Variants in NF1 observed in about 807,000 individuals in gnomAD.
The protein encoded by NF1 is neurofibromin 1.
NF1 carries 122 observed loss-of-function variants against 325.7 expected under a neutral mutation model. The ratio of observed to expected loss-of-function variants is 0.37; its 90% CI spans 0.32 to 0.44. NF1 has a LOEUF of 0.44. NF1 is among the 20% of genes least tolerant of loss of function. NF1 has a pLI of 1.00. For missense variants in NF1, 2,140 were observed against 3,415.4 expected (o/e 0.63, Z 9.31); for synonymous variants, 1,091 against 1,186.0 (o/e 0.92, Z 1.65).
rs1310523976 is a variant in NF1, at chr17:31,260,372, T to C, written c.4434T>C (p.Phe1478=). 29 of 1,613,738 alleles carry C rather than the reference T, an allele frequency of 1.8e-5. 1 individual carries two copies. The highest frequency in any genetic ancestry group is 2.1e-5 in the Non-Finnish European group (25 of 1,179,930). The stretch of plus-strand genomic sequence containing the variant: ...TAATGACTTTGCATTTTTGAAGGTT[T>C]TTCCTTGATATAGCATCTGATTGTC... ...VKSNFDAARR[F]FLDIASDCPT... The change falls in exon 34 of 58, where the codon TTT becomes TTC. Residue 1478 remains phenylalanine (F), a synonymous_variant. Coordinates refer to ENST00000358273, the MANE Select transcript of NF1 (RefSeq NM_001042492.3).
intron 36 of NF1, among the ~76,000 whole-genome samples, chr17:31,275,769 T>G (rs1193951870): frequency 1.3e-5 from 2 of 152,196 alleles, no homozygotes; most frequent in African/African-American, 4.8e-5. Context: ...TTTTAGTACT[T>G]TATACTTTGA....
chr17:31,185,579 A>G (rs2066223911), intron 8 of NF1, among the ~76,000 whole-genome samples: 1 of 152,186 alleles, frequency 6.6e-6, no homozygotes, highest in South Asian at 2.1e-4. Context: ...TCTAAGGTGA[A>G]GAATATTGCT....
At chr17:31,137,603 A>G (rs1354283907) in intron 1 of NF1, 1 of 152,092 alleles carries the variant, frequency 6.6e-6, no homozygotes, top group African/African-American at 2.4e-5. Context: ...TGCAGCTATC[A>G]TCCTGTGTTC....
intron 36 of NF1, among the ~76,000 whole-genome samples, chr17:31,302,342 G>T (rs888883237): frequency 3.3e-5 from 5 of 152,078 alleles, no homozygotes; most frequent in African/African-American, 7.2e-5. Context: ...AAAGAAGGTG[G>T]TAAAAAGGGG....
At position 31,356,963 on chromosome 17, in the gene NF1, C is replaced by G. The variant is rs757632129; in HGVS notation, c.7742C>G (p.Thr2581Ser). 38 of 1,613,738 alleles carry G rather than the reference C, an allele frequency of 2.4e-5. No homozygotes were observed. Among genetic ancestry groups the G allele is most frequent in the Non-Finnish European group, 3.2e-5 (38 of 1,179,926 alleles). ...TTAATTCCCTATCTTGCTGCAGAAA[C>G]TCAGAGGATTTCCTCATCACAACAG... ...RVAETDYEME[T>S]QRISSSQQHP... Residue 2581 changes from threonine to serine, a missense_variant, in exon 53 of 58, where the codon ACT (threonine) becomes AGT (serine). Transcript: ENST00000358273.
At chr17:31,364,363 A>G (rs750631705) in intron 57 of NF1, among the ~76,000 whole-genome samples, 8 of 152,218 alleles carry the variant, frequency 5.3e-5, no homozygotes, top group African/African-American at 1.2e-4. Context: ...CACGCATTCA[A>G]TCCTTTGCTA....
At chr17:31,146,931 C>T (rs2143568367) in intron 1 of NF1, among the ~76,000 whole-genome samples, 1 of 152,334 alleles carries the variant, frequency 6.6e-6, no homozygotes, top group East Asian at 1.9e-4. Flanking sequence ...TGACAGCACT[C>T]CCAGCATTTA....
chr17:31,227,444 A>G (rs1237435716), intron 19 of NF1, 79 bp from the exon 20 acceptor site: 1 of 1,498,180 alleles, frequency 6.7e-7, no homozygotes, highest in African/African-American at 1.4e-5. Flanking sequence ...ATATACATCA[A>G]GTTTGAAACT....
chr17:31,320,359 A>G (rs1567894115), intron 36 of NF1: 9 of 1,547,808 alleles, frequency 5.8e-6, no homozygotes, highest in Admixed American at 4.2e-5. Context: ...AAAAAAAAAA[A>G]GGCAGATTCT....
chr17:31,342,678 A>G (rs953296279), intron 47 of NF1, among the ~76,000 whole-genome samples: 1 of 151,900 alleles, frequency 6.6e-6, no homozygotes, highest in Non-Finnish European at 1.5e-5. Flanking sequence ...GGGAGCTAAT[A>G]TTGATTCTAG....
chr17:31,164,769 A>G (rs927606920), intron 4 of NF1, among the ~76,000 whole-genome samples: 3 of 152,238 alleles, frequency 2.0e-5, no homozygotes, highest in Admixed American at 2.0e-4. Flanking sequence ...CTAGGCAGCA[A>G]TATTTTTCAA....
chr17:31,366,494 T>C (rs572477480), intron 57 of NF1, among the ~76,000 whole-genome samples: 97 of 152,322 alleles, frequency 6.4e-4, no homozygotes, highest in Non-Finnish European at 1.3e-3. Flanking sequence ...AAACCAATAG[T>C]GCTGATAGCT....
rs570168235 is a variant in NF1 at position 31,265,083 on chromosome 17, A to T, written c.4725-146A>T. 20 of 590,444 alleles carry T rather than the reference A, an allele frequency of 3.4e-5. No individual in the cohort carries two copies. The African/African-American group carries it at 3.6e-4, about 11-fold the overall frequency. The allele number at this position is 590,444 out of a possible 1,614,324, so 36.6% of individuals were successfully genotyped here. On this transcript the variant is annotated intron_variant, in intron 35 of 57. Transcript: ENST00000358273. ...AGTAATACCTTGAAATTTTTGGTGC[A>T]TGTTGCCAAATTACCCTTTAGAATG... is the stretch of plus-strand genomic sequence containing the variant.
At chr17:31,203,275 G>A (rs1362824038) in intron 11 of NF1, among the ~76,000 whole-genome samples, 1 of 152,054 alleles carries the variant, frequency 6.6e-6, no homozygotes, top group Non-Finnish European at 1.5e-5. Context: ...GAGTGTGTCT[G>A]TATCAGAGAT....
In NF1 at chr17:31,163,383, G is replaced by A. The variant is rs778398666; in HGVS notation, c.479+7G>A. The A allele has an allele frequency of 2.8e-5, 45 of 1,613,538 alleles. No homozygotes were observed. The highest frequency in any genetic ancestry group is 1.6e-4 in the Middle Eastern group (1 of 6,082). ...TTAGTCGCATTTCTACCAGGTTAGTGTGTAAATCCACATGGGACTACTGAA... is the reference window on the plus strand; with the variant it reads ...TTAGTCGCATTTCTACCAGGTTAGTATGTAAATCCACATGGGACTACTGAA... On this transcript the variant is annotated splice_region_variant and intron_variant, in intron 4 of 57. Coordinates refer to ENST00000358273, the MANE Select transcript of NF1 (RefSeq NM_001042492.3).
intron 51 of NF1, among the ~76,000 whole-genome samples, chr17:31,354,227 A>G (rs2525570): frequency 0.46 from 70,704 of 152,064 alleles, 19,060 homozygotes; most frequent in Non-Finnish European, 0.61. Flanking sequence ...CTTGATGGAG[A>G]AAGCTGGAGA....
intron 14 of NF1, among the ~76,000 whole-genome samples, chr17:31,220,386 A>G (rs546026630): frequency 2.6e-5 from 4 of 152,282 alleles, no homozygotes; most frequent in East Asian, 1.9e-4. Context: ...TTGGAAGGCT[A>G]TTTGGCAGGA....
chr17:31,253,837 T>A (rs1191924720), intron 31 of NF1: 1 of 152,216 alleles, frequency 6.6e-6, no homozygotes, highest in Admixed American at 6.5e-5. Context: ...GCCCTGTCTT[T>A]GTTCATATAA....
intron 36 of NF1, chr17:31,299,656 T>C (rs1038076477): frequency 3.9e-5 from 6 of 152,134 alleles, no homozygotes; most frequent in African/African-American, 1.4e-4. Context: ...TTTGGTAATA[T>C]GGTTGGCTAT....
Sources: allele counts gnomAD v4.1 joint callset (sites outside exome capture counted in the v4.1 genomes callset), GRCh38; gene constraint gnomAD v4.1.1; transcripts MANE v1.5; gene names NCBI Gene and HGNC (gene_info 2026-07-23, HGNC 2026-07-21).